Variants in SMOC1 observed in about 807,000 individuals in gnomAD.
The protein encoded by SMOC1 is SPARC-related modular calcium-binding protein 1.
In SMOC1, 22 loss-of-function variants were observed where a neutral mutation model predicts 56.3. That is an observed-to-expected ratio of 0.39 (90% CI 0.28 to 0.56). SMOC1 has a LOEUF of 0.56. Among genes scored for constraint, SMOC1 ranks in the 20% least tolerant of loss-of-function variants. The pLI is 0.61. For missense variants in SMOC1, 509 were observed against 565.4 expected, an observed-to-expected ratio of 0.90 and a Z score of 1.01; for synonymous variants, 193 against 215.0, an observed-to-expected ratio of 0.90 and a Z score of 0.89.
intron 3 of SMOC1, among the ~76,000 whole-genome samples, chr14:69,959,347 A>G (rs1883291644): frequency 6.6e-6 from 1 of 152,206 alleles, no homozygotes; most frequent in Non-Finnish European, 1.5e-5. Flanking sequence ...GATGCATACT[A>G]CCACGTCGCT....
chr14:69,918,554 C>T (rs1884748733), intron 1 of SMOC1, among the ~76,000 whole-genome samples: 1 of 152,100 alleles, frequency 6.6e-6, no homozygotes, highest in African/African-American at 2.4e-5. Flanking sequence ...ACCATGAACC[C>T]TAGGGTCAGA....
chr14:70,020,403 A>G (rs1270986304), intron 10 of SMOC1, among the ~76,000 whole-genome samples: 1 of 152,212 alleles, frequency 6.6e-6, no homozygotes, highest in African/African-American at 2.4e-5. Flanking sequence ...GCTTACAGGT[A>G]GAGGTAGGGC....
At chr14:69,976,637 C>T (rs1356214267) in intron 4 of SMOC1, among the ~76,000 whole-genome samples, 1 of 152,208 alleles carries the variant, frequency 6.6e-6, no homozygotes, top group African/African-American at 2.4e-5. Flanking sequence ...TGTCCACCTC[C>T]ATTCAGATGG....
chr14:69,979,422 G>A (rs188206768), intron 5 of SMOC1, among the ~76,000 whole-genome samples: 2 of 152,314 alleles, frequency 1.3e-5, no homozygotes, highest in East Asian at 1.9e-4. Context: ...GGAAGTAAGT[G>A]CTTCTTCAGG....
intron 3 of SMOC1, among the ~76,000 whole-genome samples, chr14:69,971,210 G>C (rs1221767876): frequency 6.6e-6 from 1 of 152,160 alleles, no homozygotes; most frequent in Non-Finnish European, 1.5e-5. Flanking sequence ...TAGAGACGGG[G>C]TTTCACCATG....
In SMOC1 at chr14:69,949,717, G is replaced by A. The variant is rs1031476046; in HGVS notation, c.100-2421G>A. On this transcript the variant is annotated intron_variant, in intron 1 of 11. Transcript: ENST00000361956. ...GCAGAGGTAGCTCATTTGATAAATG[G>A]GAAGCAGGCCCGTGTGCCCCACCAG... Among the ~76,000 whole-genome samples, 7 of 152,144 alleles carry A rather than the reference G, an allele frequency of 4.6e-5. 1 individual carries two copies. Among genetic ancestry groups the A allele is most frequent in the Non-Finnish European group, 8.8e-5 (6 of 68,036 alleles).
chr14:70,024,059 T>C (rs1885836361), intron 11 of SMOC1, among the ~76,000 whole-genome samples: 2 of 152,260 alleles, frequency 1.3e-5, no homozygotes, highest in Admixed American at 6.5e-5. Context: ...TCATTCCTGC[T>C]GGTATTTCAC....
intron 3 of SMOC1, among the ~76,000 whole-genome samples, chr14:69,958,013 T>C (rs1246536570): frequency 6.6e-6 from 1 of 152,248 alleles, no homozygotes; most frequent in Non-Finnish European, 1.5e-5. Flanking sequence ...AGCTCATTTA[T>C]AAGTCAGTTA....
At chr14:69,908,717 A>G (rs1373995339) in intron 1 of SMOC1, among the ~76,000 whole-genome samples, 2 of 152,010 alleles carry the variant, frequency 1.3e-5, no homozygotes, top group East Asian at 1.9e-4. Context: ...AGGTCTTCCT[A>G]TTAGTGTTGG....
rs181107082 is a variant in SMOC1 at position 69,929,629 on chromosome 14, G to A, written c.100-22509G>A. Reference sequence around the variant, plus strand: ...GGAAGCTGTGTGAGAGGGAAGCCTGGGGCTCAGGGAAGCCAGAGTATTGAA... The same window carrying A: ...GGAAGCTGTGTGAGAGGGAAGCCTGAGGCTCAGGGAAGCCAGAGTATTGAA... On this transcript the variant is annotated intron_variant, in intron 1 of 11. Transcript: ENST00000361956. Among the ~76,000 whole-genome samples the A allele has an allele frequency of 4.6e-5, 7 of 152,280 alleles. No homozygotes were observed. The East Asian group carries it at 1.3e-3, about 29-fold the overall frequency.
At chr14:70,023,716 A>T (rs1361890016) in intron 11 of SMOC1, among the ~76,000 whole-genome samples, 3 of 152,202 alleles carry the variant, frequency 2.0e-5, no homozygotes, top group African/African-American at 7.2e-5. Context: ...GCCAGGCTAC[A>T]GTCACAAGTA....
At chr14:69,992,531 A>G (rs764210964) in intron 6 of SMOC1, 58 bp downstream of exon 6, 12 of 1,303,914 alleles carry the variant, frequency 9.2e-6, no homozygotes, top group Non-Finnish European at 1.3e-5. Flanking sequence ...GGTTTGGGAA[A>G]AGTCTTAACG....
At position 69,888,324 on chromosome 14, in the gene SMOC1, C is replaced by T. The variant is rs183888443; in HGVS notation, c.99+8547C>T. Among the ~76,000 whole-genome samples, 510 of 152,292 alleles carry T rather than the reference C, an allele frequency of 3.3e-3. 8 individuals are homozygous for T. Among genetic ancestry groups the T allele is most frequent in the Non-Finnish European group, 2.2e-3 (149 of 68,026 alleles). The stretch of plus-strand genomic sequence containing the variant: ...GTTTTCTTTTGCATCCAACATCATT[C>T]GGAATTCAGTTGCTAGATCACAAAA... On this transcript the variant is annotated intron_variant, in intron 1 of 11. Transcript: ENST00000361956.
intron 6 of SMOC1, among the ~76,000 whole-genome samples, chr14:69,993,676 G>C (rs1446731954): frequency 2.6e-5 from 4 of 152,218 alleles, no homozygotes; most frequent in Non-Finnish European, 5.9e-5. Context: ...TAAAAGTTTA[G>C]ATGTAGATGT....
At chr14:70,000,075 C>T (rs181830519) in intron 7 of SMOC1, among the ~76,000 whole-genome samples, 3 of 152,284 alleles carry the variant, frequency 2.0e-5, no homozygotes. Flanking sequence ...GTCATTGGCT[C>T]ATTCCAATTT....
intron 5 of SMOC1, among the ~76,000 whole-genome samples, chr14:69,981,025 G>T (rs1431589375): frequency 6.6e-6 from 1 of 152,134 alleles, no homozygotes; most frequent in African/African-American, 2.4e-5. Context: ...GAGTCTGGTC[G>T]CCAGCCAGGA....
Position 70,030,504 on chromosome 14 carries a change from A to G in SMOC1, c.*246A>G. 1.2e-5 allele frequency: 2 copies of G among 168,698 alleles called. No homozygotes were observed. Among genetic ancestry groups the G allele is most frequent in the Non-Finnish European group, 2.2e-5 (2 of 89,700 alleles). The allele number at this position is 168,698 out of a possible 1,614,324, so 10.5% of individuals were successfully genotyped here. ...AGACTTTATTCTCTCTCTTATTGTA[A>G]GTTTTTGGATCTGCTACTGACAACT... On this transcript the variant is annotated 3_prime_UTR_variant, in exon 12 of 12. Coordinates refer to ENST00000361956, the MANE Select transcript of SMOC1 (RefSeq NM_001034852.3).
At chr14:70,019,803 C>T (rs1019566178) in intron 10 of SMOC1, among the ~76,000 whole-genome samples, 1 of 152,194 alleles carries the variant, frequency 6.6e-6, no homozygotes, top group African/African-American at 2.4e-5. Flanking sequence ...GTTCAGTTAA[C>T]AGAGGCCTCT....
chr14:70,013,379 C>G lies in SMOC1; in HGVS notation c.941-7C>G. On this transcript the variant is annotated splice_region_variant and splice_polypyrimidine_tract_variant and intron_variant, in intron 9 of 11. Coordinates refer to ENST00000361956, the MANE Select transcript of SMOC1 (RefSeq NM_001034852.3). Reference sequence around the variant, plus strand: ...CATCTACCTTCAAATCTCATTTTATCTTTTAGGCTGTCCAGAAGGGAAGAA... The same window carrying G: ...CATCTACCTTCAAATCTCATTTTATGTTTTAGGCTGTCCAGAAGGGAAGAA... 1 of 1,612,122 alleles carries G rather than the reference C, an allele frequency of 6.2e-7. No individual in the cohort carries two copies. Among genetic ancestry groups the G allele is most frequent in the African/African-American group, 1.3e-5 (1 of 74,988 alleles).
Sources: allele counts gnomAD v4.1 joint callset (sites outside exome capture counted in the v4.1 genomes callset), GRCh38; gene constraint gnomAD v4.1.1; transcripts MANE v1.5; gene names NCBI Gene and HGNC (gene_info 2026-07-23, HGNC 2026-07-21).